Variants in ATP12A observed in about 807,000 individuals in gnomAD.
ATP12A encodes the protein potassium-transporting ATPase alpha chain 2.
ATP12A carries 81 observed loss-of-function variants against 111.2 expected under a neutral mutation model. The observed-to-expected ratio is 0.73, with a 90% CI of 0.61 to 0.88. The LOEUF (loss-of-function observed/expected upper bound fraction) is 0.88, where lower values mean the gene tolerates loss of function less well. Among genes scored for constraint, ATP12A ranks in the 40% least tolerant of loss-of-function variants. The pLI, the probability that ATP12A is intolerant of heterozygous loss-of-function variation, is 0.00. For synonymous variants in ATP12A, 498 were observed against 499.8 expected (o/e 1.00, Z 0.05); for missense variants, 1,196 against 1,313.1 (o/e 0.91, Z 1.38).
rs760798057 is a variant in ATP12A at position 24,681,612 on chromosome 13, G to T, written c.60G>T (p.Val20=). 2.5e-6 allele frequency: 4 copies of T among 1,614,066 alleles called. No homozygotes were observed. The highest frequency in any genetic ancestry group is 3.4e-6 in the Non-Finnish European group (4 of 1,180,048). ...SVELSGTKDI[V]KTDKGDGKEK... is the part of the protein sequence containing the mutation. ...AGCTCAGCGGAACTAAGGACATCGTGAAAACAGACAAGGGGGATGGCAAGG... is the reference window on the plus strand; with the variant it reads ...AGCTCAGCGGAACTAAGGACATCGTTAAAACAGACAAGGGGGATGGCAAGG... Residue 20 remains valine, a synonymous_variant, in exon 2 of 23, where the codon GTG becomes GTT. Transcript: ENST00000381946.
intron 3 of ATP12A, among the ~76,000 whole-genome samples, chr13:24,686,579 A>ACACATTTT (rs1874676689): frequency 6.6e-6 from 1 of 152,056 alleles, no homozygotes; most frequent in South Asian, 2.1e-4. Flanking sequence ...TCTCTACTAA[A>ACACATTTT]AATACAAAAA....
intron 3 of ATP12A, among the ~76,000 whole-genome samples, chr13:24,687,054 G>T (rs1394066689): frequency 2.0e-5 from 3 of 152,138 alleles, no homozygotes; most frequent in Non-Finnish European, 2.9e-5. Flanking sequence ...TTCTGGAAAA[G>T]GAATTGGAGT....
rs1441227153 is a variant in ATP12A, at chr13:24,708,967, A to AAGAG, written c.2494-395_2494-392dup. On this transcript the variant is annotated intron_variant, in intron 17 of 22. Transcript: ENST00000381946. Reference sequence around the variant, plus strand: ...AAAGAAAGAAAGAAAGAAAGAAGGAAAGAGAAAGAGAAATGAATGCAAATT... The same window carrying AAGAG: ...AAAGAAAGAAAGAAAGAAAGAAGGAAAGAGAGAGAAAGAGAAATGAATGCAAATT... Among the ~76,000 whole-genome samples the AAGAG allele has an allele frequency of 2.3e-4, 35 of 149,988 alleles. 1 individual carries two copies. The highest frequency in any genetic ancestry group is 8.1e-4 in the African/African-American group (33 of 40,680).
At chr13:24,708,050 A>G (rs538641827) in intron 17 of ATP12A, among the ~76,000 whole-genome samples, 77 of 152,172 alleles carry the variant, frequency 5.1e-4, no homozygotes, top group African/African-American at 1.8e-3. Flanking sequence ...TTTTGGGAAG[A>G]TGAAGCTGTC....
intron 11 of ATP12A, among the ~76,000 whole-genome samples, chr13:24,697,426 G>C (rs1241231977): frequency 6.6e-6 from 1 of 151,994 alleles, no homozygotes; most frequent in Non-Finnish European, 1.5e-5. Flanking sequence ...TTGAGCCCAG[G>C]AGTTCAAGAC....
At chr13:24,684,371 A>AT (rs1015931551) in intron 2 of ATP12A, among the ~76,000 whole-genome samples, 8 of 152,184 alleles carry the variant, frequency 5.3e-5, no homozygotes, top group Non-Finnish European at 7.3e-5. Flanking sequence ...ACATGGAACT[A>AT]TTTTTTGCAT....
chr13:24,705,586 C>A (rs1468966361), intron 14 of ATP12A, among the ~76,000 whole-genome samples: 1 of 152,184 alleles, frequency 6.6e-6, no homozygotes. Context: ...CTGAAATACC[C>A]AACGGCAAGT....
In ATP12A at chr13:24,685,879, G is replaced by A. The variant is rs1025670200; in HGVS notation, c.228+506G>A. Among the ~76,000 whole-genome samples the A allele has an allele frequency of 6.6e-6, 1 of 152,200 alleles. No individual in the cohort carries two copies. The highest frequency in any genetic ancestry group is 6.5e-5 in the Admixed American group (1 of 15,290). Reference sequence around the variant, plus strand: ...GAGAATCTGGGCTTGCCGGAAGCTAGTATGTGTGGAGAGGGGACAGGTGCA... The same window carrying A: ...GAGAATCTGGGCTTGCCGGAAGCTAATATGTGTGGAGAGGGGACAGGTGCA... On this transcript the variant is annotated intron_variant, in intron 3 of 22. Transcript: ENST00000381946. The surrounding 1 kb of genome is among the most constrained non-coding windows in gnomAD (Gnocchi z 5.5).
chr13:24,709,976 T>G, intron 19 of ATP12A, 148 bp downstream of exon 19: 1 of 1,230,212 alleles, frequency 8.1e-7, no homozygotes, highest in Non-Finnish European at 1.1e-6. Context: ...GACACGTGTT[T>G]GGCCTTTGCC....
At position 24,700,782 on chromosome 13, in the gene ATP12A, C is replaced by T. The variant is rs775442166; in HGVS notation, c.1741C>T (p.Pro581Ser). Residue 581 changes from proline to serine, a missense_variant, in exon 13 of 23, where the codon CCA (proline) becomes TCA (serine). Transcript: ENST00000381946. ...CHLYLPADEF[P>S]ETYSFDIDAM... ...TCTCTACCTGCCAGCAGACGAGTTTCCAGAAACCTACTCATTTGACATAGA... is the reference window on the plus strand; with the variant it reads ...TCTCTACCTGCCAGCAGACGAGTTTTCAGAAACCTACTCATTTGACATAGA... 5.6e-6 allele frequency: 9 copies of T among 1,613,882 alleles called. No homozygotes were observed. The Admixed American group carries it at 1.5e-4, about 27-fold the overall frequency.
intron 17 of ATP12A, among the ~76,000 whole-genome samples, chr13:24,707,997 A>AG (rs1875746187): frequency 1.3e-5 from 2 of 151,686 alleles, no homozygotes; most frequent in Admixed American, 1.3e-4. Context: ...AAAAAAAAAA[A>AG]GAAATGCCAT....
chr13:24,697,391 T>C (rs1037396881), intron 11 of ATP12A, among the ~76,000 whole-genome samples: 7 of 152,098 alleles, frequency 4.6e-5, no homozygotes, highest in Admixed American at 3.9e-4. Context: ...CACAGCACTT[T>C]GGGAGATCGA....
At position 24,699,697 on chromosome 13, in the gene ATP12A, G is replaced by T. The variant is rs558473062; in HGVS notation, c.1705+847G>T. ...AACCTTAGAAATGCAACAGGAGGAG[G>T]ACCCAATGGGGGTGCCTGCGGTGTT... On this transcript the variant is annotated intron_variant, in intron 12 of 22. Transcript: ENST00000381946. Among the ~76,000 whole-genome samples the T allele has an allele frequency of 2.0e-5, 3 of 152,318 alleles. No homozygotes were observed. In the South Asian group the frequency reaches 6.2e-4, roughly 32 times the overall value.
chr13:24,693,335 C>G (rs982009080), intron 10 of ATP12A, among the ~76,000 whole-genome samples: 2 of 151,812 alleles, frequency 1.3e-5, no homozygotes, highest in African/African-American at 4.8e-5. Context: ...AACTCTCCCC[C>G]TCCCTCCCTC....
intron 5 of ATP12A, 73 bp downstream of exon 5, chr13:24,689,448 G>A (rs1874789439): frequency 7.8e-7 from 1 of 1,280,978 alleles, no homozygotes; most frequent in African/African-American, 1.5e-5. Context: ...GAGGGGCACA[G>A]GGCCCTGAGG....
At chr13:24,707,232 T>G in intron 16 of ATP12A, 41 bp downstream of exon 16, 2 of 1,613,414 alleles carry the variant, frequency 1.2e-6, no homozygotes, top group Non-Finnish European at 1.7e-6. Context: ...GCCAGGGTGG[T>G]CTGGGGGACT....
At chr13:24,703,830 T>C (rs1386531378) in intron 14 of ATP12A, among the ~76,000 whole-genome samples, 4 of 149,866 alleles carry the variant, frequency 2.7e-5, no homozygotes, top group Non-Finnish European at 5.9e-5. Flanking sequence ...TGCACCCAGC[T>C]TCATTTTAGC....
chr13:24,698,687 C>T lies in ATP12A; in HGVS notation c.1542C>T (p.His514=), dbSNP rs200072702. 40 of 1,613,772 alleles carry T rather than the reference C, an allele frequency of 2.5e-5. No homozygotes were observed. In the Admixed American group the frequency reaches 3.7e-4, roughly 15 times the overall value. ...CCATCCACGAGATGGATGACCCCCA[C>T]GGCAAGCGCTTCCTCATGGTGATGA... ...QLSIHEMDDP[H]GKRFLMVMKG... is the part of the protein sequence containing the mutation. Residue 514 remains histidine (H), a synonymous_variant, in exon 12 of 23, where the codon CAC becomes CAT. Transcript: ENST00000381946.
chr13:24,707,043 C>G lies in ATP12A; in HGVS notation c.2190C>G (p.Thr730=). 1 of 1,607,742 alleles carries G rather than the reference C, an allele frequency of 6.2e-7. No individual in the cohort carries two copies. Among genetic ancestry groups the G allele is most frequent in the Non-Finnish European group, 8.5e-7 (1 of 1,176,466 alleles). The change falls in exon 16 of 23, where the codon ACC becomes ACG. Residue 730 remains threonine (T), a synonymous_variant. Transcript: ENST00000381946. ...CATAGGATGCTGTTGTTGCTGTGAC[C>G]GGGGATGGAGTTAATGACTCTCCGG... is the stretch of plus-strand genomic sequence containing the variant. ...CQRQDAVVAV[T]GDGVNDSPAL...
Sources: gnomAD v4.1 joint callset for allele counts (sites outside exome capture counted in the v4.1 genomes callset) on GRCh38, gnomAD v4.1.1 for gene constraint, Gnocchi (gnomAD v3.1) non-coding constraint, MANE v1.5 for transcripts, NCBI Gene and HGNC (gene_info 2026-07-23, HGNC 2026-07-21) for gene names.